Variants in PLA2G6 observed in about 807,000 individuals in gnomAD.
The protein encoded by PLA2G6 is 85/88 kDa calcium-independent phospholipase A2.
A neutral mutation model predicts 83.8 loss-of-function variants in PLA2G6; 62 were observed. That is an observed-to-expected ratio of 0.74 (90% CI 0.60 to 0.91). PLA2G6 has a LOEUF of 0.91. PLA2G6 is among the 40% of genes least tolerant of loss of function. PLA2G6 has a pLI of 0.00. For synonymous variants in PLA2G6, 417 were observed against 449.8 expected (o/e 0.93, Z 0.92); for missense variants, 944 against 1,102.0 (o/e 0.86, Z 2.03).
intron 3 of PLA2G6, chr22:38,145,149 C>G (rs1203928731): frequency 9.7e-6 from 4 of 413,928 alleles, no homozygotes; most frequent in Non-Finnish European, 1.8e-5. Context: ...TCAAGCAATC[C>G]TCCTGCCTCA....
chr22:38,127,278 G>A, intron 9 of PLA2G6: 1 of 1,244,030 alleles, frequency 8.0e-7, no homozygotes, highest in Non-Finnish European at 1.0e-6. Flanking sequence ...GCTGAGAGAG[G>A]CCGGGGACAG....
intron 10 of PLA2G6, chr22:38,126,065 C>A (rs1033043328): frequency 3.3e-5 from 14 of 427,528 alleles, no homozygotes; most frequent in African/African-American, 2.8e-4. Flanking sequence ...GGGACCCAGG[C>A]ATCTCCCCCT....
chr22:38,153,308 C>T (rs1054214354), intron 2 of PLA2G6, among the ~76,000 whole-genome samples: 22 of 152,116 alleles, frequency 1.4e-4, no homozygotes, highest in African/African-American at 5.1e-4. Context: ...GCCGCCGCCC[C>T]GTCTGGCAAG....
At chr22:38,174,255 G>C (rs2090545714) in intron 1 of PLA2G6, among the ~76,000 whole-genome samples, 1 of 152,046 alleles carries the variant, frequency 6.6e-6, no homozygotes. Flanking sequence ...AAAATTAGCT[G>C]GGCGTGGTGG....
chr22:38,169,243 G>T lies in PLA2G6; in HGVS notation c.184C>A (p.Pro62Thr), dbSNP rs758893865. ...NRTWDCVLVN[P>T]RNSQSGFRLF... Reference sequence around the variant, plus strand: ...CGGAATCCACTCTGTGAGTTCCTGGGGTTGACCAGGACGCAGTCCCAGGTG... The same window carrying T: ...CGGAATCCACTCTGTGAGTTCCTGGTGTTGACCAGGACGCAGTCCCAGGTG... The change falls in exon 2 of 17, where the codon CCC (proline) becomes ACC (threonine). Residue 62 changes from proline (P) to threonine (T), a missense_variant. Transcript: ENST00000332509. The T allele has an allele frequency of 5.6e-6, 9 of 1,613,886 alleles. No individual in the cohort carries two copies. The South Asian group carries it at 7.7e-5, about 14-fold the overall frequency.
intron 12 of PLA2G6, among the ~76,000 whole-genome samples, chr22:38,120,522 A>G (rs11570741): frequency 7.4e-5 from 11 of 148,462 alleles, no homozygotes; most frequent in African/African-American, 9.7e-5. Context: ...GGGCAGAGCC[A>G]GGCAGGGCAG....
intron 2 of PLA2G6, among the ~76,000 whole-genome samples, chr22:38,155,996 C>G (rs1287340435): frequency 6.6e-6 from 1 of 152,004 alleles, no homozygotes; most frequent in Non-Finnish European, 1.5e-5. Context: ...ATATTCCATG[C>G]AAATGGAAAC....
chr22:38,111,714 C>T lies in PLA2G6; in HGVS notation c.*447G>A. The T allele has an allele frequency of 4.0e-6, 1 of 249,708 alleles. No homozygotes were observed. Among genetic ancestry groups the T allele is most frequent in the Non-Finnish European group, 8.1e-6 (1 of 124,222 alleles). 15.5% of individuals were successfully genotyped at this position (249,708 alleles called of 1,614,324 possible). Reference sequence around the variant, plus strand: ...TGGGGGACACCCATTTCTTTAGTCCCAGCCCCCAGGGAACGGAGCAGAGGG... The same window carrying T: ...TGGGGGACACCCATTTCTTTAGTCCTAGCCCCCAGGGAACGGAGCAGAGGG... On this transcript the variant is annotated 3_prime_UTR_variant, in exon 17 of 17. Transcript: ENST00000332509.
intron 12 of PLA2G6, chr22:38,116,460 A>G: frequency 1.5e-6 from 1 of 666,814 alleles, no homozygotes; most frequent in Non-Finnish European, 2.8e-6. Context: ...GGCTAATCCA[A>G]TGGAAAAACC....
At chr22:38,169,190 A>T in intron 2 of PLA2G6, 28 bp downstream of exon 2, 1 of 1,552,586 alleles carries the variant, frequency 6.4e-7, no homozygotes, top group Non-Finnish European at 8.9e-7. Flanking sequence ...GAAAGGAGAG[A>T]AGTATGTTCC....
At chr22:38,157,877 A>T (rs1165927993) in intron 2 of PLA2G6, among the ~76,000 whole-genome samples, 1 of 152,044 alleles carries the variant, frequency 6.6e-6, no homozygotes, top group Non-Finnish European at 1.5e-5. Flanking sequence ...TCTACTAAAA[A>T]TATAAAAAAC....
chr22:38,111,889 G>T lies in PLA2G6; in HGVS notation c.*272C>A, dbSNP rs1182902877. 1.9e-6 allele frequency: 1 copy of T among 524,102 alleles called. No individual in the cohort carries two copies. Among genetic ancestry groups the T allele is most frequent in the African/African-American group, 1.9e-5 (1 of 52,112 alleles). The allele number at this position is 524,102 out of a possible 1,614,324, so 32.5% of individuals were successfully genotyped here. A position where few individuals can be genotyped will look rare whatever the true frequency, so the allele number is the denominator to read the frequency against. On this transcript the variant is annotated 3_prime_UTR_variant, in exon 17 of 17. Transcript: ENST00000332509. ...TACCCTTAATGTTTGAGCTGATGGG[G>T]GAGTCAGTTGTCCTTGACAGTCAGG...
intron 7 of PLA2G6, chr22:38,131,764 C>T (rs2088224627): frequency 1.1e-5 from 2 of 181,370 alleles, no homozygotes; most frequent in South Asian, 9.5e-5. Flanking sequence ...ACTCAGTAAA[C>T]AGACTTCTGT....
At chr22:38,156,559 T>C (rs1027440412) in intron 2 of PLA2G6, among the ~76,000 whole-genome samples, 2 of 152,056 alleles carry the variant, frequency 1.3e-5, no homozygotes, top group Admixed American at 6.6e-5. Context: ...GTTCACACCA[T>C]TCTCCTGCCT....
At chr22:38,157,114 T>A (rs2089813848) in intron 2 of PLA2G6, among the ~76,000 whole-genome samples, 1 of 151,432 alleles carries the variant, frequency 6.6e-6, no homozygotes, top group Admixed American at 6.6e-5. Flanking sequence ...AAAGAAATAA[T>A]AAAGATCATA....
intron 2 of PLA2G6, chr22:38,148,633 G>C (rs1186178053): frequency 2.9e-6 from 2 of 701,708 alleles, no homozygotes; most frequent in East Asian, 2.7e-5. Flanking sequence ...TCTGCCAAGA[G>C]GAGAGCCCTG....
chr22:38,139,251 G>A (rs1203964547), intron 5 of PLA2G6: 1 of 152,224 alleles, frequency 6.6e-6, no homozygotes, highest in Non-Finnish European at 1.5e-5. Context: ...CTGGGTTAGA[G>A]GAGGGGCCAG....
At chr22:38,166,452 G>A (rs369630201) in intron 2 of PLA2G6, among the ~76,000 whole-genome samples, 19 of 152,280 alleles carry the variant, frequency 1.2e-4, no homozygotes, top group African/African-American at 2.2e-4. Context: ...AAACAAAGCC[G>A]GGCATGGTGA....
At chr22:38,127,932 C>G (rs549045402) in intron 9 of PLA2G6, among the ~76,000 whole-genome samples, 16 of 152,216 alleles carry the variant, frequency 1.1e-4, no homozygotes, top group Non-Finnish European at 2.9e-5. Context: ...CCCAGTCCCC[C>G]GACAGCACTC....
Sources: gnomAD v4.1 joint callset for allele counts (sites outside exome capture counted in the v4.1 genomes callset) on GRCh38, gnomAD v4.1.1 for gene constraint, MANE v1.5 for transcripts, NCBI Gene and HGNC (gene_info 2026-07-23, HGNC 2026-07-21) for gene names.